COL6A3: variants seen among roughly 807,000 people sequenced by gnomAD.
COL6A3 encodes collagen type VI alpha 3 chain.
A neutral mutation model predicts 274.1 loss-of-function variants in COL6A3; 137 were observed. The observed-to-expected ratio is 0.50, with a 90% confidence interval of 0.44 to 0.58. The LOEUF is 0.58. Ranked by LOEUF, COL6A3 falls within the 20% of genes least tolerant of loss-of-function variation. COL6A3 has a pLI of 0.00. For synonymous variants in COL6A3, 1,650 were observed against 1,650.6 expected, an observed-to-expected ratio of 1.00 and a Z score of 0.01; for missense variants, 3,950 against 4,124.9, an observed-to-expected ratio of 0.96 and a Z score of 1.16.
intron 26 of COL6A3, 67 bp downstream of exon 26, chr2:237,352,451 ACTCT>A (rs1336657649): frequency 6.9e-7 from 1 of 1,451,756 alleles, no homozygotes; most frequent in African/African-American, 1.4e-5. Flanking sequence ...CATCCGAGAA[ACTCT>A]CTCAGCCTGC....
intron 29 of COL6A3, 29 bp downstream of exon 29, chr2:237,348,584 C>G (rs757290825): frequency 6.2e-7 from 1 of 1,608,786 alleles, no homozygotes; most frequent in African/African-American, 1.3e-5. Context: ...GCAGCAAGGA[C>G]GCTTGGATAA....
At chr2:237,389,677 ACTGCCCT>A (rs934097769) in intron 3 of COL6A3, among the ~76,000 whole-genome samples, 1 of 152,224 alleles carries the variant, frequency 6.6e-6, no homozygotes, top group Non-Finnish European at 1.5e-5. Context: ...CAGGTTCGGA[ACTGCCCT>A]CTTCCCTTCC....
At chr2:237,408,812 C>A (rs555264236) in intron 1 of COL6A3, among the ~76,000 whole-genome samples, 2 of 152,320 alleles carry the variant, frequency 1.3e-5, no homozygotes, top group East Asian at 3.9e-4. Context: ...AGCCAGACCC[C>A]TACAAGACTA....
At chr2:237,355,889 A>T (rs2077307290) in intron 23 of COL6A3, 1 of 152,202 alleles carries the variant, frequency 6.6e-6, no homozygotes, top group African/African-American at 2.4e-5. Flanking sequence ...CCCCTCCCAA[A>T]AGAGACATGC....
chr2:237,390,427 A>T (rs2078258858), intron 3 of COL6A3, among the ~76,000 whole-genome samples: 1 of 152,226 alleles, frequency 6.6e-6, no homozygotes, highest in Non-Finnish European at 1.5e-5. Context: ...TATTCAAGAG[A>T]GCTGAAGCCT....
chr2:237,378,928 G>T lies in COL6A3; in HGVS notation c.2205C>A (p.Gly735=). The change falls in exon 6 of 44, where the codon GGC becomes GGA. Residue 735 remains glycine (G), a synonymous_variant. Coordinates refer to ENST00000295550, the MANE Select transcript of COL6A3 (RefSeq NM_004369.4). The part of the protein sequence containing the change: ...YVYANHFTEA[G]GSRIREHVPQ... ...GCACGTGTTCACGGATCCTGCTGCC[G>T]CCAGCTTCCGTGAAGTGGTTGGCAT... 3 of 1,614,180 alleles carry T rather than the reference G, an allele frequency of 1.9e-6. No homozygotes were observed. The highest frequency in any genetic ancestry group is 2.5e-6 in the Non-Finnish European group (3 of 1,180,012).
At chr2:237,341,355 C>T (rs926095985) in intron 37 of COL6A3, among the ~76,000 whole-genome samples, 1 of 152,010 alleles carries the variant, frequency 6.6e-6, no homozygotes, top group African/African-American at 2.4e-5. Flanking sequence ...ATCATCCTGG[C>T]CAACATGGTG....
Position 237,366,684 on chromosome 2 carries a change from T to G in COL6A3, c.5500+3A>C, listed in dbSNP as rs1345603228. Reference sequence around the variant, plus strand: ...TGGAAAATATGCACATAATGGGAGTTACCTTTGGCAGCATCAGTTACACCA... The same window carrying G: ...TGGAAAATATGCACATAATGGGAGTGACCTTTGGCAGCATCAGTTACACCA... On this transcript the variant is annotated splice_donor_region_variant and intron_variant, in intron 11 of 43. Coordinates refer to ENST00000295550, the MANE Select transcript of COL6A3 (RefSeq NM_004369.4). 3.1e-6 allele frequency: 5 copies of G among 1,614,226 alleles called. No individual in the cohort carries two copies. Among genetic ancestry groups the G allele is most frequent in the Middle Eastern group, 1.6e-4 (1 of 6,062 alleles).
At chr2:237,351,220 G>A in intron 26 of COL6A3, 28 bp from the exon 27 acceptor site, 1 of 1,612,196 alleles carries the variant, frequency 6.2e-7, no homozygotes, top group Non-Finnish European at 8.5e-7. Flanking sequence ...GAATGTGTCA[G>A]TGAAGTGGCC....
At chr2:237,348,188 T>C (rs1379062796) in intron 30 of COL6A3, among the ~76,000 whole-genome samples, 161 bp downstream of exon 30, 3 of 152,184 alleles carry the variant, frequency 2.0e-5, no homozygotes, top group East Asian at 1.9e-4. Context: ...ACTTGACAGA[T>C]GAGAGAGTAT....
Position 237,372,083 on chromosome 2 carries a change from C to A in COL6A3, c.3934G>T (p.Val1312Leu), listed in dbSNP as rs144878757. 1 of 1,614,062 alleles carries A rather than the reference C, an allele frequency of 6.2e-7. No homozygotes were observed. Among genetic ancestry groups the A allele is most frequent in the South Asian group, 1.1e-5 (1 of 91,086 alleles). ...GACACGTACTCCAGGGCATTGCCCA[C>A]GTTGATCTGCCGCCCTCCCTTGGGC... ...LRPKGGRQINVGNALEYVSRN... is the reference protein window; with the variant it reads ...LRPKGGRQINLGNALEYVSRN... The change falls in exon 9 of 44, where the codon GTG (valine) becomes TTG (leucine). Residue 1312 changes from valine (V) to leucine (L), a missense_variant. Val to Leu is a conservative substitution (Grantham distance 32, BLOSUM62 1). Around this residue, in one of 5 missense-constraint regions of COL6A3, gnomAD observed 1,934 missense variants for 1,984.3 expected, o/e 0.97. Transcript: ENST00000295550.
rs763348222 is a variant in COL6A3, at chr2:237,348,645, C to T, written c.6898G>A (p.Gly2300Arg). The change falls in exon 29 of 44, where the codon GGA becomes AGA. Residue 2300 changes from glycine (G) to arginine (R), a missense_variant. Gly to Arg is a moderately radical substitution (Grantham distance 125). This residue lies in a region of COL6A3 where 1,284 missense variants were observed against 1,349.7 expected (regional missense o/e 0.95). Transcript: ENST00000295550. ...RGETGDDGRD[G>R]VGSEGRRGKK... The stretch of plus-strand genomic sequence containing the variant: ...CCTCTGCGTCCTTCACTGCCAACTC[C>T]GTCTCTCCCGTCATCTCCCTAAGAG... The T allele has an allele frequency of 2.4e-5, 39 of 1,614,188 alleles. No homozygotes were observed. The highest frequency in any genetic ancestry group is 2.3e-4 in the South Asian group (21 of 91,070).
In COL6A3 at chr2:237,371,794, A is replaced by G; in HGVS notation, c.4223T>C (p.Ile1408Thr). ...PSLEQKLLTP[I>T]TTLTSEQIQK... ...GATCTGCTCTGAGGTCAGGGTCGTG[A>G]TGGGCGTCAGCAGTTTCTGCTCCAG... The change falls in exon 9 of 44, where the codon ATC becomes ACC. Residue 1408 changes from isoleucine to threonine, a missense_variant. By Grantham distance (89) the Ile-to-Thr change is moderately conservative. Around this residue, in one of 5 missense-constraint regions of COL6A3, gnomAD observed 1,934 missense variants for 1,984.3 expected, o/e 0.97. Transcript: ENST00000295550. This position sits in a 1 kb window ranked among gnomAD's most constrained non-coding sequence, Gnocchi z 4.3. The G allele has an allele frequency of 6.2e-7, 1 of 1,613,786 alleles. No individual in the cohort carries two copies. Among genetic ancestry groups the G allele is most frequent in the Non-Finnish European group, 8.5e-7 (1 of 1,179,988 alleles).
At position 237,381,174 on chromosome 2, in the gene COL6A3, G is replaced by A. The variant is rs112040282; in HGVS notation, c.1638C>T (p.Ala546=). 1,326 of 1,614,236 alleles carry A rather than the reference G, an allele frequency of 8.2e-4. 6 individuals carry two copies. In the African/African-American group the frequency reaches 0.012, roughly 14 times the overall value. ...GCACCAAAAGCTTAGGAATCCCCTC[G>A]GCAGCCCGGTAGCCGGCTGAACTCG... is the stretch of plus-strand genomic sequence containing the variant. ...LFTSSAGYRA[A]EGIPKLLVLI... is the part of the protein sequence containing the mutation. The change falls in exon 5 of 44, where the codon GCC becomes GCT. Residue 546 remains alanine (A), a synonymous_variant. Transcript: ENST00000295550.
chr2:237,349,851 C>T (rs1456416728), intron 28 of COL6A3, among the ~76,000 whole-genome samples: 1 of 152,106 alleles, frequency 6.6e-6, no homozygotes, highest in African/African-American at 2.4e-5. Context: ...AAAGCATTTG[C>T]GGGACCTAAG....
rs1439439724 is a variant in COL6A3 at position 237,361,161 on chromosome 2, T to C, written c.6170A>G (p.Glu2057Gly). The C allele has an allele frequency of 6.2e-7, 1 of 1,613,982 alleles. No individual in the cohort carries two copies. Among genetic ancestry groups the C allele is most frequent in the African/African-American group, 1.3e-5 (1 of 74,926 alleles). Residue 2057 changes from glutamate (E) to glycine (G), a missense_variant, in exon 16 of 44, where the codon GAA (glutamate) becomes GGA (glycine). Glu to Gly is a moderately conservative substitution (Grantham distance 98). Around this residue, in one of 5 missense-constraint regions of COL6A3, gnomAD observed 92 missense variants for 143.4 expected, o/e 0.64. Transcript: ENST00000295550. The surrounding 1 kb of genome is among the most constrained non-coding windows in gnomAD (Gnocchi z 5.1). ...ACCAGGATAGCCTCGGTAGCCGTCTTCTCCAGGAATACCCTGAAACAAAGT... is the reference window on the plus strand; with the variant it reads ...ACCAGGATAGCCTCGGTAGCCGTCTCCTCCAGGAATACCCTGAAACAAAGT... ...GSIGPKGIPG[E>G]DGYRGYPGDE...
intron 42 of COL6A3, chr2:237,326,521 A>C (rs969366839): frequency 6.6e-6 from 1 of 152,260 alleles, no homozygotes; most frequent in African/African-American, 2.4e-5. Context: ...TACAGTTCAC[A>C]CACAGCACGA....
At chr2:237,346,436 G>C in intron 32 of COL6A3, 67 bp downstream of exon 32, 1 of 1,421,454 alleles carries the variant, frequency 7.0e-7, no homozygotes, top group African/African-American at 1.4e-5. Context: ...ATGGTGGGAA[G>C]TTTTCAGGGA....
rs1323053516 is a variant in COL6A3, at chr2:237,371,425, C to T, written c.4285+307G>A. Among the ~76,000 whole-genome samples, 4 of 151,968 alleles carry T rather than the reference C, an allele frequency of 2.6e-5. No homozygotes were observed. The highest frequency in any genetic ancestry group is 1.9e-4 in the East Asian group (1 of 5,158). The stretch of plus-strand genomic sequence containing the variant: ...CAGCCTGGCCAACATGGTGAAACCC[C>T]GTCTCCACAAAAAATACAAAAAATT... On this transcript the variant is annotated intron_variant, in intron 9 of 43. Coordinates refer to ENST00000295550, the MANE Select transcript of COL6A3 (RefSeq NM_004369.4). The surrounding 1 kb of genome is among the most constrained non-coding windows in gnomAD (Gnocchi z 4.3).
Sources: gnomAD v4.1 joint callset for allele counts (sites outside exome capture counted in the v4.1 genomes callset) on GRCh38, gnomAD v4.1.1 for gene constraint, gnomAD v4.1.1 regional missense constraint, Gnocchi (gnomAD v3.1) non-coding constraint, MANE v1.5 for transcripts, NCBI Gene and HGNC (gene_info 2026-07-23, HGNC 2026-07-21) for gene names.